TRPM3: variants seen among roughly 807,000 people sequenced by gnomAD.
The protein encoded by TRPM3 is transient receptor potential cation channel subfamily M member 3.
TRPM3 carries 77 observed loss-of-function variants against 181.2 expected under a neutral mutation model. The observed-to-expected ratio is 0.42, with a 90% confidence interval of 0.35 to 0.51. TRPM3 has a LOEUF of 0.51. Among genes scored for constraint, TRPM3 ranks in the 20% least tolerant of loss-of-function variants. The probability of loss-of-function intolerance (pLI) is 0.01; values close to 1 mark genes in which losing one functional copy is unlikely to be tolerated. For synonymous variants in TRPM3, 745 were observed against 796.4 expected, an observed-to-expected ratio of 0.94 and a Z score of 1.09; for missense variants, 1,759 against 2,196.7, an observed-to-expected ratio of 0.80 and a Z score of 3.98.
At chr9:71,173,746 A>G (rs1587780424) in intron 1 of TRPM3, among the ~76,000 whole-genome samples, 1 of 152,344 alleles carries the variant, frequency 6.6e-6, no homozygotes, top group Middle Eastern at 3.4e-3. Flanking sequence ...TAAGGATGAT[A>G]TTGAAATGGC....
intron 1 of TRPM3, among the ~76,000 whole-genome samples, chr9:71,127,068 A>G (rs990860022): frequency 2.0e-5 from 2 of 98,144 alleles, no homozygotes; most frequent in Non-Finnish European, 4.4e-5. Flanking sequence ...TTTTAGGAAA[A>G]AACAAAAACA....
intron 3 of TRPM3, among the ~76,000 whole-genome samples, chr9:70,849,810 T>C (rs557731254): frequency 8.2e-5 from 12 of 146,044 alleles, no homozygotes; most frequent in Non-Finnish European, 1.4e-4. Flanking sequence ...TTGATTTATA[T>C]AAGATTATCC....
At chr9:70,799,531 A>T (rs2088272502) in intron 6 of TRPM3, among the ~76,000 whole-genome samples, 1 of 152,208 alleles carries the variant, frequency 6.6e-6, no homozygotes, top group African/African-American at 2.4e-5. Context: ...CCTCTGGAAA[A>T]GGAGCTCCCT....
Position 71,318,525 on chromosome 9 carries a change from C to A in TRPM3, c.183+128128G>T, listed in dbSNP as rs1397168292. On this transcript the variant is annotated intron_variant, in intron 1 of 24. Coordinates refer to the TRPM3 transcript ENST00000357533. ...TATTTTTAAATTTTTAAGAATCATT[C>A]TCTCACTAGATAAGAGGAAGGAGAC... Among the ~76,000 whole-genome samples, 16 of 152,228 alleles carry A rather than the reference C, an allele frequency of 1.1e-4. No homozygotes were observed. In the East Asian group the frequency reaches 3.1e-3, roughly 29 times the overall value.
At chr9:71,296,795 A>G (rs901802811) in intron 1 of TRPM3, among the ~76,000 whole-genome samples, 4 of 152,174 alleles carry the variant, frequency 2.6e-5, no homozygotes, top group Admixed American at 6.5e-5. Flanking sequence ...GTAGCAATAA[A>G]AAGAAAGAGC....
At chr9:71,344,741 C>A (rs76153519) in intron 1 of TRPM3, among the ~76,000 whole-genome samples, 14,523 of 152,092 alleles carry the variant, frequency 0.095, 1,173 homozygotes, top group African/African-American at 0.22. Context: ...ACTAGATTTC[C>A]TCAAAATTAA....
rs368794608 is a variant in TRPM3 at position 70,691,701 on chromosome 9, GA to G, written c.1273-10124del. ...CTAGAGGTCTACAGGTTCCAACACA[GA>G]AAATCATTTCTTTTTTCTTATTATA... On this transcript the variant is annotated intron_variant, in intron 8 of 25. Transcript: ENST00000677713. Among the ~76,000 whole-genome samples the G allele has an allele frequency of 1.0e-3, 157 of 152,234 alleles. 1 individual carries two copies. The highest frequency in any genetic ancestry group is 3.3e-3 in the African/African-American group (136 of 41,558).
At chr9:71,245,183 T>A (rs2081961408) in intron 1 of TRPM3, among the ~76,000 whole-genome samples, 1 of 152,124 alleles carries the variant, frequency 6.6e-6, no homozygotes, top group African/African-American at 2.4e-5. Flanking sequence ...GTATGGTAGC[T>A]CATGCCTGTA....
At chr9:71,418,898 ATG>A (rs200431732) in intron 1 of TRPM3, among the ~76,000 whole-genome samples, 18 of 117,446 alleles carry the variant, frequency 1.5e-4, no homozygotes, top group Admixed American at 4.6e-4. Context: ...ACACATATAT[ATG>A]TGTGTGTGTA....
intron 1 of TRPM3, among the ~76,000 whole-genome samples, chr9:71,325,613 TA>T (rs2089617566): frequency 6.6e-6 from 1 of 152,126 alleles, no homozygotes. Context: ...ATGTGTGAGT[TA>T]ATGAAAAAAT....
intron 1 of TRPM3, among the ~76,000 whole-genome samples, chr9:71,083,707 AT>A (rs201832240): frequency 0.012 from 1,349 of 116,732 alleles, 21 homozygotes; most frequent in African/African-American, 0.038. Flanking sequence ...AAAATGTATT[AT>A]TATGTACACA....
At chr9:71,116,740 C>CA (rs898678459) in intron 1 of TRPM3, among the ~76,000 whole-genome samples, 23 of 145,964 alleles carry the variant, frequency 1.6e-4, no homozygotes, top group African/African-American at 3.0e-4. Context: ...AGATTCCCCC[C>CA]AAAAAAAAAA....
intron 1 of TRPM3, among the ~76,000 whole-genome samples, chr9:71,091,287 T>C (rs1015735838): frequency 6.6e-6 from 1 of 152,166 alleles, no homozygotes; most frequent in African/African-American, 2.4e-5. Context: ...TATCTATTTT[T>C]CTGCTACCCA....
intron 1 of TRPM3, among the ~76,000 whole-genome samples, chr9:71,298,217 G>A (rs539981587): frequency 5.3e-5 from 8 of 152,018 alleles, no homozygotes; most frequent in Non-Finnish European, 1.0e-4. Flanking sequence ...AGATATATTC[G>A]ACCTTGTTTG....
chr9:71,036,742 A>G (rs1485297971), intron 1 of TRPM3, among the ~76,000 whole-genome samples: 1 of 152,228 alleles, frequency 6.6e-6, no homozygotes, highest in Non-Finnish European at 1.5e-5. Flanking sequence ...TCATGAAGCA[A>G]TGTGCAACAC....
At chr9:71,294,648 A>C (rs777144779) in intron 1 of TRPM3, among the ~76,000 whole-genome samples, 12 of 152,160 alleles carry the variant, frequency 7.9e-5, no homozygotes, top group Non-Finnish European at 1.6e-4. Flanking sequence ...AACCCCAGAA[A>C]AACTCTTGCA....
intron 6 of TRPM3, among the ~76,000 whole-genome samples, chr9:70,788,448 A>G (rs1588362394): frequency 1.3e-5 from 2 of 152,144 alleles, no homozygotes; most frequent in East Asian, 1.9e-4. Flanking sequence ...GGAGGATTAT[A>G]TCACATTATT....
At chr9:71,020,434 T>C (rs550590372) in intron 1 of TRPM3, among the ~76,000 whole-genome samples, 3 of 150,626 alleles carry the variant, frequency 2.0e-5, no homozygotes, top group African/African-American at 7.3e-5. Flanking sequence ...ACCATGTCTG[T>C]GCCACTGCAC....
At chr9:71,118,010 T>C (rs993822352) in intron 1 of TRPM3, among the ~76,000 whole-genome samples, 2 of 152,186 alleles carry the variant, frequency 1.3e-5, no homozygotes, top group East Asian at 1.9e-4. Context: ...ATAATGAATA[T>C]GAAATATGCT....
Sources: allele counts gnomAD v4.1 joint callset (sites outside exome capture counted in the v4.1 genomes callset), GRCh38; gene constraint gnomAD v4.1.1; transcripts MANE v1.5; gene names NCBI Gene and HGNC (gene_info 2026-07-23, HGNC 2026-07-21).